The following WBP2NL variants were observed in gnomAD, a reference collection of about 807,000 sequenced individuals.
The protein encoded by WBP2NL is WBP2 N-terminal like, also known as postacrosomal sheath WW domain-binding protein.
WBP2NL carries 27 observed loss-of-function variants against 23.3 expected under a neutral mutation model. That is an observed-to-expected ratio of 1.16 (90% confidence interval 0.85 to 1.60). The LOEUF (loss-of-function observed/expected upper bound fraction) is 1.60. Ranked by LOEUF, WBP2NL falls within the 40% of genes most tolerant of loss-of-function variation. The probability of loss-of-function intolerance (pLI) is 0.00; values close to 1 mark genes in which losing one functional copy is unlikely to be tolerated. For synonymous variants in WBP2NL, 151 were observed against 145.9 expected, an observed-to-expected ratio of 1.03 and a Z score of -0.25; for missense variants, 370 against 389.5, an observed-to-expected ratio of 0.95 and a Z score of 0.42.
rs184734087 is a variant in WBP2NL, at chr22:42,049,197, G to A, written c.*274-9093G>A. Among the ~76,000 whole-genome samples, 378 of 152,138 alleles carry A rather than the reference G, an allele frequency of 2.5e-3. 1 individual carries two copies. Among genetic ancestry groups the A allele is most frequent in the Middle Eastern group, 0.01 (3 of 294 alleles). ...GGAACAGAAGAGTCCAGAATGTACCGCACAAATATAGCCAACATGTTTTAC... is the reference window on the plus strand; with the variant it reads ...GGAACAGAAGAGTCCAGAATGTACCACACAAATATAGCCAACATGTTTTAC... On this transcript the variant is annotated intron_variant and NMD_transcript_variant, in intron 8 of 8. Coordinates refer to the WBP2NL transcript ENST00000436265.
At chr22:42,007,688 G>C (rs928930592) in intron 1 of WBP2NL, among the ~76,000 whole-genome samples, 1 of 152,096 alleles carries the variant, frequency 6.6e-6, no homozygotes, top group African/African-American at 2.4e-5. Context: ...TTAACTTAGC[G>C]TAACATCCTC....
intron 8 of WBP2NL, among the ~76,000 whole-genome samples, chr22:42,040,052 C>A (rs765189145): frequency 2.1e-4 from 29 of 140,556 alleles, no homozygotes; most frequent in Non-Finnish European, 6.2e-5. Flanking sequence ...GCTGGGACTA[C>A]AGGCAGGCAC....
chr22:42,045,466 A>G (rs1925552865), intron 8 of WBP2NL, among the ~76,000 whole-genome samples: 2 of 152,242 alleles, frequency 1.3e-5, no homozygotes, highest in East Asian at 3.9e-4. Flanking sequence ...AACAAAAAAC[A>G]GCCTCTCGCC....
chr22:42,013,836 A>G (rs1923063835), intron 1 of WBP2NL, among the ~76,000 whole-genome samples: 1 of 150,984 alleles, frequency 6.6e-6, no homozygotes, highest in African/African-American at 2.4e-5. Context: ...ACTGGAGTGC[A>G]TTGGTGCGAT....
At chr22:42,000,251 G>T (rs2146746723) in intron 1 of WBP2NL, among the ~76,000 whole-genome samples, 1 of 152,256 alleles carries the variant, frequency 6.6e-6, no homozygotes, top group South Asian at 2.1e-4. Flanking sequence ...TTTCTTGACA[G>T]ATTTATATGG....
At chr22:42,003,683 G>A (rs893366871) in intron 1 of WBP2NL, among the ~76,000 whole-genome samples, 78 of 152,198 alleles carry the variant, frequency 5.1e-4, no homozygotes, top group African/African-American at 1.5e-3. Context: ...TGGAAAATAT[G>A]GGTTGCGAAA....
downstream of WBP2NL, among the ~76,000 whole-genome samples, chr22:42,029,399 T>G (rs1285111985): frequency 6.7e-6 from 1 of 149,312 alleles, no homozygotes; most frequent in African/African-American, 2.5e-5. Context: ...TGAGACAGAG[T>G]CTTGCTTTAT....
intron 1 of WBP2NL, among the ~76,000 whole-genome samples, chr22:42,008,530 C>T (rs1055172880): frequency 2.0e-5 from 3 of 151,814 alleles, no homozygotes; most frequent in Non-Finnish European, 4.4e-5. Context: ...AAATATTAAC[C>T]ATCCTAATGG....
At chr22:42,030,620 TA>T (rs917452008), downstream of WBP2NL, 36 of 152,232 alleles carry the variant, frequency 2.4e-4, no homozygotes, top group African/African-American at 8.7e-4. Flanking sequence ...TATTGGATCT[TA>T]AACATGGGTC....
At chr22:42,055,286 C>T (rs567744611) in intron 8 of WBP2NL, among the ~76,000 whole-genome samples, 70 of 152,254 alleles carry the variant, frequency 4.6e-4, no homozygotes, top group African/African-American at 1.5e-3. Context: ...AGCGATTTTC[C>T]GCCTCAGCCT....
intron 8 of WBP2NL, among the ~76,000 whole-genome samples, chr22:42,057,794 T>C (rs1406332155): frequency 7.0e-6 from 1 of 142,070 alleles, no homozygotes; most frequent in East Asian, 2.1e-4. Context: ...TTTAAAATTA[T>C]GTTTTTTTAG....
rs112112057 is a variant in WBP2NL, at chr22:42,043,402, G to T, written c.*273+12579G>T. Among the ~76,000 whole-genome samples, 658 of 152,298 alleles carry T rather than the reference G, an allele frequency of 4.3e-3. 2 individuals are homozygous for T. The highest frequency in any genetic ancestry group is 7.3e-3 in the Non-Finnish European group (497 of 68,010). ...AGGGCTCGTGGTGTGTATATGCTCAGTTGTGGGAGCCAGCTGCTGGCACAT... is the reference window on the plus strand; with the variant it reads ...AGGGCTCGTGGTGTGTATATGCTCATTTGTGGGAGCCAGCTGCTGGCACAT... On this transcript the variant is annotated intron_variant and NMD_transcript_variant, in intron 8 of 8. Transcript: ENST00000436265.
intron 8 of WBP2NL, among the ~76,000 whole-genome samples, chr22:42,046,629 A>G (rs1373200849): frequency 6.6e-6 from 1 of 152,192 alleles, no homozygotes; most frequent in Non-Finnish European, 1.5e-5. Context: ...AAACATTTCT[A>G]TTTAGCTGAT....
chr22:42,051,015 T>A (rs1179368340), intron 8 of WBP2NL, among the ~76,000 whole-genome samples: 1 of 152,238 alleles, frequency 6.6e-6, no homozygotes, highest in Non-Finnish European at 1.5e-5. Flanking sequence ...GTTGAAAATC[T>A]ATGTCCACAA....
downstream of WBP2NL, among the ~76,000 whole-genome samples, chr22:42,033,782 A>T (rs1925079436): frequency 6.6e-6 from 1 of 152,182 alleles, no homozygotes; most frequent in South Asian, 2.1e-4. Flanking sequence ...GGTCGTCCCA[A>T]CATCTGCTTA....
intron 1 of WBP2NL, among the ~76,000 whole-genome samples, chr22:42,015,732 A>C (rs1403464605): frequency 6.6e-6 from 1 of 152,010 alleles, no homozygotes; most frequent in East Asian, 1.9e-4. Context: ...TGTCAATCAG[A>C]GGTGAAAGCT....
At chr22:42,046,877 T>G (rs1288362190) in intron 8 of WBP2NL, among the ~76,000 whole-genome samples, 1 of 152,210 alleles carries the variant, frequency 6.6e-6, no homozygotes, top group Non-Finnish European at 1.5e-5. Flanking sequence ...CAGAGATTAA[T>G]TTAGTCCACA....
rs1199493801 is a variant in WBP2NL, at chr22:42,018,329, AAGAC to A, written c.63-978_63-975del. On this transcript the variant is annotated intron_variant, in intron 1 of 5. Coordinates refer to ENST00000328823, the MANE Select transcript of WBP2NL (RefSeq NM_152613.3). ...CCCTGTCTCAAAAAAAAAAAAAAAA[AAGAC>A]AGAAGAAAGAGAGAGAGAGAAAAGA... is the stretch of plus-strand genomic sequence containing the variant. Among the ~76,000 whole-genome samples, 66 of 148,024 alleles carry A rather than the reference AAGAC, an allele frequency of 4.5e-4. 2 individuals carry two copies. In the South Asian group the frequency reaches 0.01, roughly 23 times the overall value.
intron 8 of WBP2NL, among the ~76,000 whole-genome samples, chr22:42,038,793 G>A (rs1481418619): frequency 3.9e-5 from 6 of 152,014 alleles, no homozygotes; most frequent in East Asian, 3.8e-4. Flanking sequence ...TAGTAGAGAC[G>A]GGGTTTCACC....
Sources: gnomAD v4.1 joint callset for allele counts (sites outside exome capture counted in the v4.1 genomes callset) on GRCh38, gnomAD v4.1.1 for gene constraint, MANE v1.5 for transcripts, NCBI Gene and HGNC (gene_info 2026-07-23, HGNC 2026-07-21) for gene names.